GLT8D2: variants seen among roughly 807,000 people sequenced by gnomAD.
GLT8D2 encodes glycosyltransferase 8 domain-containing protein 2.
GLT8D2 carries 45 observed loss-of-function variants against 44.5 expected under a neutral mutation model. The ratio of observed to expected loss-of-function variants is 1.01; its 90% CI spans 0.80 to 1.30. The LOEUF (loss-of-function observed/expected upper bound fraction) is 1.30, where lower values mean the gene tolerates loss of function less well. Among genes scored for constraint, GLT8D2 ranks in the 50% most tolerant of loss-of-function variants. The pLI is 0.00. For synonymous variants in GLT8D2, 156 were observed against 157.2 expected (o/e 0.99, Z 0.06); for missense variants, 400 against 430.4 (o/e 0.93, Z 0.62).
rs756277684 is a variant in GLT8D2, at chr12:103,997,523, G to A, written c.415C>T (p.Arg139Ter). 1.6e-5 allele frequency: 25 copies of A among 1,612,802 alleles called. No individual in the cohort carries two copies. Among genetic ancestry groups the A allele is most frequent in the East Asian group, 6.7e-5 (3 of 44,884 alleles). ...TGGATAAGTAGAGGGAGATAAAATC[G>A]AACAAAGTTCAGCTGTTAAAACGAC... ...PELLQPLNFV[R>*]FYLPLLIHQH... Residue 139 changes from arginine (R) to a stop codon, truncating the protein, a stop_gained, in exon 7 of 11, where the codon CGA becomes TGA. Transcript: ENST00000360814. LOFTEE classifies it high-confidence loss of function.
At position 104,042,810 on chromosome 12, in the gene GLT8D2, T is replaced by G. The variant is rs7298597; in HGVS notation, c.-164+7085A>C. Among the ~76,000 whole-genome samples the G allele has an allele frequency of 3.0e-3, 461 of 152,280 alleles. 5 individuals are homozygous for G. Among genetic ancestry groups the G allele is most frequent in the African/African-American group, 0.01 (428 of 41,550 alleles). ...ACACACACAAAAATCTCATTATGTT[T>G]TAAGAAAGTTGATGAATTTGTGTTG... On this transcript the variant is annotated intron_variant, in intron 1 of 10. Coordinates refer to ENST00000360814, the MANE Select transcript of GLT8D2 (RefSeq NM_001384711.1).
At chr12:104,019,302 AT>A (rs1877321517) in intron 3 of GLT8D2, among the ~76,000 whole-genome samples, 1 of 151,500 alleles carries the variant, frequency 6.6e-6, no homozygotes, top group Admixed American at 6.6e-5. Context: ...TAATTTTTGT[AT>A]TTTTTGTAGA....
chr12:103,997,600 A>G, intron 6 of GLT8D2, 65 bp from the exon 7 acceptor site: 1 of 1,153,726 alleles, frequency 8.7e-7, no homozygotes, highest in South Asian at 1.2e-5. Context: ...TTCTGGGGGT[A>G]CTGGAGAGTC....
chr12:104,028,314 A>C (rs1480040443), intron 1 of GLT8D2, among the ~76,000 whole-genome samples: 1 of 152,080 alleles, frequency 6.6e-6, no homozygotes, highest in East Asian at 1.9e-4. Context: ...GTGTGTGTAT[A>C]ATTGCATAAA....
chr12:104,060,259 T>A (rs1488792998), intron 1 of GLT8D2, among the ~76,000 whole-genome samples: 1 of 152,194 alleles, frequency 6.6e-6, no homozygotes, highest in Non-Finnish European at 1.5e-5. Context: ...CTTTACCCCA[T>A]CAATGCTGGC....
chr12:104,021,939 GA>G (rs1566202475), intron 1 of GLT8D2, among the ~76,000 whole-genome samples: 1,870 of 26,668 alleles, frequency 0.07, 215 homozygotes, highest in East Asian at 0.27. Context: ...AGAAGAAGAA[GA>G]AGAAGAAGAA....
At position 104,032,490 on chromosome 12, in the gene GLT8D2, AAT is replaced by A. The variant is rs1555280553; in HGVS notation, c.-163-11001_-163-11000del. On this transcript the variant is annotated intron_variant, in intron 1 of 10. Transcript: ENST00000360814. ...GCAAAAAAAAAAAAAAAAAAAAAAA[AAT>A]AGGCAAAGGACCAGAATAGACATTT... 4.0e-3 allele frequency among the ~76,000 whole-genome samples: 545 copies of A among 136,670 alleles called. 4 individuals carry two copies. Among genetic ancestry groups the A allele is most frequent in the Non-Finnish European group, 7.0e-3 (435 of 62,512 alleles). The allele number at this position is 136,670 out of a possible 152,430, so 89.7% of individuals were successfully genotyped here.
At chr12:104,063,371 G>A (rs1483819197) in intron 1 of GLT8D2, among the ~76,000 whole-genome samples, 1 of 152,062 alleles carries the variant, frequency 6.6e-6, no homozygotes, top group Non-Finnish European at 1.5e-5. Flanking sequence ...AAATCACAGG[G>A]CAGCTAGGCC....
intron 1 of GLT8D2, among the ~76,000 whole-genome samples, chr12:104,056,072 T>A (rs113488552): frequency 0.054 from 8,155 of 152,306 alleles, 256 homozygotes; most frequent in African/African-American, 0.058. Flanking sequence ...ATGCGGTAAC[T>A]GTTTTTCTTC....
intron 4 of GLT8D2, among the ~76,000 whole-genome samples, chr12:104,007,228 T>A (rs73177958): frequency 4.4e-5 from 3 of 67,974 alleles, no homozygotes; most frequent in Non-Finnish European, 6.5e-5. Context: ...TGATTTATAC[T>A]TAAAGCTCTC....
chr12:103,992,214 C>T (rs1035818788), intron 10 of GLT8D2, among the ~76,000 whole-genome samples: 7 of 152,110 alleles, frequency 4.6e-5, no homozygotes, highest in African/African-American at 1.7e-4. Flanking sequence ...ACATGTATTC[C>T]GTAACCTGCC....
upstream of GLT8D2, among the ~76,000 whole-genome samples, chr12:104,053,176 C>T (rs535579105): frequency 5.1e-4 from 77 of 152,304 alleles, no homozygotes; most frequent in Non-Finnish European, 9.3e-4. Flanking sequence ...CTGCCCAGTG[C>T]AATTTCCTTC....
upstream of GLT8D2, among the ~76,000 whole-genome samples, chr12:104,050,832 T>TC (rs2136520321): frequency 6.6e-6 from 1 of 151,662 alleles, no homozygotes; most frequent in African/African-American, 2.4e-5. Context: ...TTTTTTTTTT[T>TC]GAGACGGAGT....
intron 4 of GLT8D2, among the ~76,000 whole-genome samples, chr12:104,013,938 T>C (rs1340853888): frequency 6.6e-6 from 1 of 151,976 alleles, no homozygotes; most frequent in African/African-American, 2.4e-5. Flanking sequence ...GGGGTCTTGC[T>C]TTGTTGCCTA....
intron 1 of GLT8D2, among the ~76,000 whole-genome samples, chr12:104,027,017 C>T (rs1878665492): frequency 6.6e-6 from 1 of 152,150 alleles, no homozygotes; most frequent in African/African-American, 2.4e-5. Flanking sequence ...TTTCATGAAC[C>T]AAAGTGTTAT....
chr12:104,016,655 A>C (rs1159547019), intron 3 of GLT8D2, among the ~76,000 whole-genome samples: 2 of 137,852 alleles, frequency 1.5e-5, no homozygotes, highest in Non-Finnish European at 3.1e-5. Context: ...GGAGAGAAAG[A>C]AAGAAAGAAA....
chr12:104,058,275 A>C (rs1882351380), intron 1 of GLT8D2, among the ~76,000 whole-genome samples: 1 of 152,098 alleles, frequency 6.6e-6, no homozygotes, highest in Non-Finnish European at 1.5e-5. Flanking sequence ...GAGTTGGGGG[A>C]AATTTTCATG....
At chr12:104,019,515 C>A in intron 3 of GLT8D2, 115 bp downstream of exon 3, 1 of 810,932 alleles carries the variant, frequency 1.2e-6, no homozygotes, top group Non-Finnish European at 2.0e-6. Flanking sequence ...TGTGGGAAAA[C>A]TATCCATGAA....
chr12:104,046,401 AGAATTAAGAGGTCT>A (rs1881154636), intron 1 of GLT8D2, among the ~76,000 whole-genome samples: 1 of 152,226 alleles, frequency 6.6e-6, no homozygotes, highest in African/African-American at 2.4e-5. Context: ...TGAGGCTCAG[AGAATTAAGAGGTCT>A]GCTAAGGGTC....
Sources: allele counts gnomAD v4.1 joint callset (sites outside exome capture counted in the v4.1 genomes callset), GRCh38; gene constraint gnomAD v4.1.1; transcripts MANE v1.5; gene names NCBI Gene and HGNC (gene_info 2026-07-23, HGNC 2026-07-21).